SEMA3D: variants seen among roughly 807,000 people sequenced by gnomAD.
SEMA3D encodes semaphorin-3D.
Under a neutral mutation model 100.1 loss-of-function variants are expected in SEMA3D, and 84 were observed. The ratio of observed to expected loss-of-function variants is 0.84; its 90% CI spans 0.70 to 1.01. SEMA3D has a LOEUF of 1.01. SEMA3D is among the 50% of genes least tolerant of loss of function. SEMA3D has a pLI of 0.00. For missense variants in SEMA3D, 875 were observed against 934.1 expected (o/e 0.94, Z 0.82); for synonymous variants, 312 against 320.7 (o/e 0.97, Z 0.29).
the SEMA3D span, among the ~76,000 whole-genome samples, chr7:85,235,977 TACTTCTGTACAACTAAAATTTTGTAAG>T: frequency 6.6e-6 from 1 of 152,190 alleles, no homozygotes; most frequent in Non-Finnish European, 1.5e-5. Flanking sequence ...GTATATGAGT[TACTTCTGTACAACTAAAATTTTGTAAG>T]GCCCCCTTTG....
chr7:85,244,708 C>CT, the SEMA3D span, among the ~76,000 whole-genome samples: 1,277 of 121,858 alleles, frequency 0.01, 21 homozygotes, highest in African/African-American at 0.021. Context: ...ACTGCACAAT[C>CT]TTTTTTTTTT....
chr7:85,156,111 T>C (rs117707281), intron 1 of SEMA3D, among the ~76,000 whole-genome samples: 65,880 of 150,734 alleles, frequency 0.44, 15,357 homozygotes, highest in East Asian at 0.69. Context: ...ATTTTTTTTT[T>C]TTTTTTTTTG....
Position 85,065,411 on chromosome 7 carries a change from A to G in SEMA3D, c.718+13T>C. On this transcript the variant is annotated intron_variant, in intron 8 of 18. Coordinates refer to ENST00000284136, the MANE Select transcript of SEMA3D (RefSeq NM_001384900.1). The stretch of plus-strand genomic sequence containing the variant: ...GCAAGACAATCAAAAGTAAACAAAA[A>G]AAAATCACAAACCATTGAGCCAGTA... The G allele has an allele frequency of 6.2e-7, 1 of 1,611,778 alleles. No homozygotes were observed. Among genetic ancestry groups the G allele is most frequent in the Non-Finnish European group, 8.5e-7 (1 of 1,178,696 alleles).
In SEMA3D at chr7:85,117,656, C is replaced by T. The variant is rs148316849; in HGVS notation, c.151+4085G>A. ...TGCCTGATGGCTCATGCTTGTAGTC[C>T]CAGCTACTCAGGAGGCTGAGATGGG... On this transcript the variant is annotated intron_variant, in intron 3 of 18. Coordinates refer to ENST00000284136, the MANE Select transcript of SEMA3D (RefSeq NM_001384900.1). Among the ~76,000 whole-genome samples, 942 of 152,020 alleles carry T rather than the reference C, an allele frequency of 6.2e-3. 8 individuals carry two copies. Among genetic ancestry groups the T allele is most frequent in the Middle Eastern group, 0.024 (7 of 294 alleles).
upstream of SEMA3D, among the ~76,000 whole-genome samples, chr7:85,188,480 A>G (rs1384771346): frequency 6.6e-6 from 1 of 152,072 alleles, no homozygotes; most frequent in Non-Finnish European, 1.5e-5. Flanking sequence ...TAGTCATGCA[A>G]TTGTTTATTG....
Position 85,103,562 on chromosome 7 carries a change from T to C in SEMA3D, c.152-5597A>G, listed in dbSNP as rs150564963. ...CCCTTCCTCGGGATGTCAGCAGCAC[T>C]TACCTCTAGGTCCTAAATGACTCCT... On this transcript the variant is annotated intron_variant, in intron 3 of 18. Coordinates refer to ENST00000284136, the MANE Select transcript of SEMA3D (RefSeq NM_001384900.1). 1.9e-3 allele frequency among the ~76,000 whole-genome samples: 291 copies of C among 152,120 alleles called. 1 individual carries two copies. Among genetic ancestry groups the C allele is most frequent in the African/African-American group, 6.6e-3 (273 of 41,544 alleles).
chr7:85,056,952 A>ATAAG (rs1791336879), intron 8 of SEMA3D, among the ~76,000 whole-genome samples: 2 of 149,260 alleles, frequency 1.3e-5, no homozygotes, highest in African/African-American at 4.9e-5. Context: ...TGGTTATATA[A>ATAAG]TAAGTATTTA....
At chr7:85,184,558 G>A (rs77503277) in intron 1 of SEMA3D, among the ~76,000 whole-genome samples, 4,803 of 151,862 alleles carry the variant, frequency 0.032, 104 homozygotes, top group South Asian at 0.067. Flanking sequence ...TCATATTGTT[G>A]AGGATATTAA....
intron 1 of SEMA3D, among the ~76,000 whole-genome samples, chr7:85,154,484 G>A (rs115442355): frequency 1.8e-3 from 274 of 152,138 alleles, no homozygotes; most frequent in African/African-American, 6.4e-3. Context: ...GCGGGGGTTG[G>A]GGGATGTCTG....
At chr7:85,178,199 C>G (rs1337165841) in intron 1 of SEMA3D, among the ~76,000 whole-genome samples, 1 of 152,176 alleles carries the variant, frequency 6.6e-6, no homozygotes, top group African/African-American at 2.4e-5. Flanking sequence ...TATTTCTTCA[C>G]AGCAGCATGA....
the SEMA3D span, among the ~76,000 whole-genome samples, chr7:85,203,796 G>A: frequency 6.6e-6 from 1 of 151,686 alleles, no homozygotes; most frequent in Non-Finnish European, 1.5e-5. Flanking sequence ...TTGAGCTAGA[G>A]AAATACAGGG....
intron 2 of SEMA3D, among the ~76,000 whole-genome samples, chr7:85,131,902 T>C (rs1372956243): frequency 6.6e-6 from 1 of 151,912 alleles, no homozygotes; most frequent in Non-Finnish European, 1.5e-5. Flanking sequence ...TATTAATGTT[T>C]TCTGTTTTCA....
At chr7:85,244,825 T>C in the SEMA3D span, among the ~76,000 whole-genome samples, 3 of 151,314 alleles carry the variant, frequency 2.0e-5, no homozygotes, top group South Asian at 6.3e-4. Context: ...ATTCTCTTGC[T>C]TCAGCCTCCT....
At chr7:85,151,532 C>G in intron 2 of SEMA3D, 1 of 649,506 alleles carries the variant, frequency 1.5e-6, no homozygotes, top group Non-Finnish European at 1.9e-6. Flanking sequence ...AGGGATTAGA[C>G]AATATATATT....
intron 17 of SEMA3D, among the ~76,000 whole-genome samples, chr7:85,009,011 C>T (rs1789878370): frequency 1.3e-5 from 2 of 151,620 alleles, no homozygotes; most frequent in South Asian, 2.1e-4. Flanking sequence ...TGATAAAATG[C>T]GGAATCCAAA....
intron 2 of SEMA3D, among the ~76,000 whole-genome samples, chr7:85,153,155 AAGC>A (rs1376077783): frequency 6.6e-6 from 1 of 152,136 alleles, no homozygotes; most frequent in Admixed American, 6.6e-5. Flanking sequence ...CCTTTGGTAT[AAGC>A]AGGTTTTGCA....
intron 1 of SEMA3D, among the ~76,000 whole-genome samples, chr7:85,172,841 C>A (rs1192764299): frequency 6.6e-6 from 1 of 152,028 alleles, no homozygotes; most frequent in Non-Finnish European, 1.5e-5. Flanking sequence ...GGGCTGAGTT[C>A]CAGATCCTTG....
chr7:85,157,985 T>C (rs1333928759), intron 1 of SEMA3D, among the ~76,000 whole-genome samples: 1 of 152,184 alleles, frequency 6.6e-6, no homozygotes, highest in African/African-American at 2.4e-5. Context: ...ACTTCCCCAA[T>C]CAATACCCTT....
At chr7:85,067,180 A>C (rs1049987141) in intron 7 of SEMA3D, among the ~76,000 whole-genome samples, 21 of 152,302 alleles carry the variant, frequency 1.4e-4, no homozygotes, top group African/African-American at 4.8e-4. Context: ...AATATATTTC[A>C]ACACAAAAAT....
Sources: allele counts gnomAD v4.1 joint callset (sites outside exome capture counted in the v4.1 genomes callset), GRCh38; gene constraint gnomAD v4.1.1; transcripts MANE v1.5; gene names NCBI Gene and HGNC (gene_info 2026-07-23, HGNC 2026-07-21).